Variants in UNC79 observed in about 807,000 individuals in gnomAD.
UNC79 encodes protein unc-79 homolog.
UNC79 carries 37 observed loss-of-function variants against 283.1 expected under a neutral mutation model. That is an observed-to-expected ratio of 0.13 (90% CI 0.10 to 0.17). UNC79 has a LOEUF of 0.17. Among genes scored for constraint, UNC79 ranks in the 10% least tolerant of loss-of-function variants. UNC79 has a pLI of 1.00. For synonymous variants in UNC79, 1,107 were observed against 1,200.2 expected (o/e 0.92, Z 1.61); for missense variants, 2,272 against 3,211.1 (o/e 0.71, Z 7.07).
intron 1 of UNC79, among the ~76,000 whole-genome samples, chr14:93,408,080 T>C (rs1054677527): frequency 6.6e-6 from 1 of 152,140 alleles, no homozygotes; most frequent in Non-Finnish European, 1.5e-5. Context: ...GCATAATTAA[T>C]GGCAAGAAAA....
At chr14:93,599,017 A>G (rs80290749) in intron 24 of UNC79, among the ~76,000 whole-genome samples, 2,850 of 152,352 alleles carry the variant, frequency 0.019, 91 homozygotes, top group African/African-American at 0.065. Context: ...CAAAGGACAC[A>G]AAGTGATTTA....
chr14:93,533,905 T>C (rs542889143), intron 11 of UNC79, among the ~76,000 whole-genome samples: 1 of 152,360 alleles, frequency 6.6e-6, no homozygotes, highest in South Asian at 2.1e-4. Flanking sequence ...GTCTTATTCA[T>C]TTATGGCTTC....
intron 38 of UNC79, among the ~76,000 whole-genome samples, chr14:93,658,635 T>C (rs1227891477): frequency 3.9e-5 from 6 of 152,240 alleles, no homozygotes; most frequent in Non-Finnish European, 4.4e-5. Context: ...TTTTGTCTTG[T>C]AGAAATTTTA....
At chr14:93,700,386 A>C (rs2075439741) in intron 47 of UNC79, among the ~76,000 whole-genome samples, 1 of 152,198 alleles carries the variant, frequency 6.6e-6, no homozygotes. Flanking sequence ...CAACATGCCC[A>C]ATCTTTCTTC....
intron 1 of UNC79, among the ~76,000 whole-genome samples, chr14:93,350,932 G>C (rs56018639): frequency 0.04 from 6,025 of 152,212 alleles, 237 homozygotes; most frequent in Admixed American, 0.11. Flanking sequence ...CTGTACTCTT[G>C]ATTTTTCTTG....
At chr14:93,486,683 G>C (rs200053220) in intron 4 of UNC79, among the ~76,000 whole-genome samples, 1 of 133,112 alleles carries the variant, frequency 7.5e-6, no homozygotes, top group East Asian at 2.1e-4. Flanking sequence ...AAAAAAGAAA[G>C]AAAGTCCTCT....
Position 93,622,696 on chromosome 14 carries a change from G to C in UNC79, c.5463G>C (p.Glu1821Asp), listed in dbSNP as rs530465580. The C allele has an allele frequency of 3.7e-6, 6 of 1,614,190 alleles. No homozygotes were observed. In the African/African-American group the frequency reaches 8.0e-5, roughly 22 times the overall value. The change falls in exon 30 of 49, where the codon GAG (glutamate) becomes GAC (aspartate). Residue 1821 changes from glutamate to aspartate, a missense_variant. By Grantham distance (45) the Glu-to-Asp change is conservative. This residue lies in a region of UNC79 where 580 missense variants were observed against 632.2 expected (regional missense o/e 0.92). Coordinates refer to ENST00000555664, the Ensembl canonical transcript of UNC79. Reference sequence around the variant, plus strand: ...AGAATCCTGAAAGGAAGGTGGAAGAGGATGGAGCTGAGGAATCCGAATTTA... The same window carrying C: ...AGAATCCTGAAAGGAAGGTGGAAGACGATGGAGCTGAGGAATCCGAATTTA...
At chr14:93,356,733 A>AT (rs1443307714) in intron 1 of UNC79, among the ~76,000 whole-genome samples, 45 of 152,180 alleles carry the variant, frequency 3.0e-4, no homozygotes, top group Admixed American at 2.9e-3. Flanking sequence ...TATTTAAAAA[A>AT]TTTTTTTGCC....
intron 1 of UNC79, among the ~76,000 whole-genome samples, chr14:93,441,801 T>A (rs1228947450): frequency 6.6e-6 from 1 of 152,130 alleles, no homozygotes; most frequent in Admixed American, 6.5e-5. Context: ...CTTATAATCA[T>A]GGTTTAGCTT....
chr14:93,545,690 T>C (rs1459804606), intron 14 of UNC79, among the ~76,000 whole-genome samples: 1 of 152,324 alleles, frequency 6.6e-6, no homozygotes, highest in African/African-American at 2.4e-5. Flanking sequence ...TTCACAAATA[T>C]GACATTCTGC....
rs1169745845 is a variant in UNC79, at chr14:93,493,899, ATATTTTT to A, written c.713-2510_713-2504del. 2.5e-4 allele frequency among the ~76,000 whole-genome samples: 15 copies of A among 60,286 alleles called. No homozygotes were observed. In the South Asian group the frequency reaches 4.8e-3, roughly 19 times the overall value. The allele number at this position is 60,286 out of a possible 152,430, so 39.5% of individuals were successfully genotyped here. A position where few individuals can be genotyped will look rare whatever the true frequency, so the allele number is the denominator to read the frequency against. ...CATATATATATATATATATATATATATATTTTTTTTTTTTTTTTTTTGAGATAGAGTT... is the reference window on the plus strand; with the variant it reads ...CATATATATATATATATATATATATATTTTTTTTTTTTTTGAGATAGAGTT... On this transcript the variant is annotated intron_variant, in intron 5 of 48. Coordinates refer to ENST00000555664, the Ensembl canonical transcript of UNC79.
chr14:93,505,715 C>CTT (rs996701974), intron 7 of UNC79, among the ~76,000 whole-genome samples: 4 of 150,028 alleles, frequency 2.7e-5, no homozygotes, highest in African/African-American at 9.7e-5. Context: ...CTTCTTTTTT[C>CTT]TTTTTTCTCT....
chr14:93,420,835 G>C (rs1379851216), intron 1 of UNC79, among the ~76,000 whole-genome samples: 1 of 151,682 alleles, frequency 6.6e-6, no homozygotes, highest in Non-Finnish European at 1.5e-5. Flanking sequence ...TGGAAATTAA[G>C]CAATATACTT....
chr14:93,398,675 A>T (rs1014875748), intron 1 of UNC79, among the ~76,000 whole-genome samples: 1 of 152,186 alleles, frequency 6.6e-6, no homozygotes, highest in Non-Finnish European at 1.5e-5. Context: ...TAATGCCAAG[A>T]CAGTTTAGGA....
chr14:93,496,212 AG>A (rs2059006186), intron 5 of UNC79, among the ~76,000 whole-genome samples, 198 bp from the exon 6 acceptor site: 1 of 152,202 alleles, frequency 6.6e-6, no homozygotes, highest in African/African-American at 2.4e-5. Context: ...ATACTTCTCA[AG>A]GACCTTGGGA....
At chr14:93,369,362 C>A (rs1458679157) in intron 1 of UNC79, among the ~76,000 whole-genome samples, 1 of 152,148 alleles carries the variant, frequency 6.6e-6, no homozygotes, top group Non-Finnish European at 1.5e-5. Context: ...TCCAGTTCTG[C>A]ATGTGAGGAA....
At chr14:93,373,417 A>G (rs2054493880) in intron 1 of UNC79, among the ~76,000 whole-genome samples, 2 of 152,124 alleles carry the variant, frequency 1.3e-5, no homozygotes, top group South Asian at 4.2e-4. Flanking sequence ...GAAAAAAAAA[A>G]GAGAGAGGAC....
intron 39 of UNC79, among the ~76,000 whole-genome samples, chr14:93,660,545 ATATATATATATATATATATGTGTGTGTG>A (rs2071447591): frequency 8.4e-6 from 1 of 119,234 alleles, no homozygotes; most frequent in African/African-American, 3.8e-5. Flanking sequence ...ATATATATAT[ATATATATATATATATATATGTGTGTGTG>A]TGTGTGTTCA....
chr14:93,411,468 A>G (rs962948212), intron 1 of UNC79, among the ~76,000 whole-genome samples: 1 of 152,308 alleles, frequency 6.6e-6, no homozygotes, highest in East Asian at 1.9e-4. Context: ...ATAGCCAGGT[A>G]GTGGTTATAG....
Sources: allele counts gnomAD v4.1 joint callset (sites outside exome capture counted in the v4.1 genomes callset), GRCh38; gene constraint gnomAD v4.1.1; regional missense constraint gnomAD v4.1.1; transcripts MANE v1.5; gene names NCBI Gene and HGNC (gene_info 2026-07-23, HGNC 2026-07-21).